AFF3: variants seen among roughly 807,000 people sequenced by gnomAD.
AFF3 encodes the protein AF4/FMR2 family member 3.
Under a neutral mutation model 129.7 loss-of-function variants are expected in AFF3, and 32 were observed. The observed-to-expected ratio is 0.25, with a 90% CI of 0.19 to 0.33. The LOEUF (loss-of-function observed/expected upper bound fraction) is 0.33, where lower values mean the gene tolerates loss of function less well. Ranked by LOEUF, AFF3 falls within the 10% of genes least tolerant of loss-of-function variation. AFF3 has a pLI of 1.00. For synonymous variants in AFF3, 644 were observed against 635.4 expected (o/e 1.01, Z -0.20); for missense variants, 1,373 against 1,592.0 (o/e 0.86, Z 2.34).
chr2:99,889,925 G>A (rs1470538180), intron 7 of AFF3, among the ~76,000 whole-genome samples: 2 of 152,200 alleles, frequency 1.3e-5, no homozygotes, highest in Non-Finnish European at 2.9e-5. Flanking sequence ...CTCCCAAAGT[G>A]TTGGGATTAC....
chr2:99,563,154 G>C lies in AFF3; in HGVS notation c.3119+2333C>G, dbSNP rs536551303. On this transcript the variant is annotated intron_variant, in intron 20 of 24. Coordinates refer to ENST00000672756, the MANE Select transcript of AFF3 (RefSeq NM_001386135.1). ...AGTAGGGGAGAGGAGGGTCAGGCAG[G>C]GTGGGCAATGTGCGGATGTAATTAA... Among the ~76,000 whole-genome samples the C allele has an allele frequency of 6.6e-5, 10 of 152,142 alleles. 1 individual carries two copies. In the South Asian group the frequency reaches 2.1e-3, roughly 32 times the overall value.
At chr2:99,758,618 A>G (rs1236279524) in intron 8 of AFF3, among the ~76,000 whole-genome samples, 1 of 150,498 alleles carries the variant, frequency 6.6e-6, no homozygotes, top group Non-Finnish European at 1.5e-5. Context: ...CATATGCATC[A>G]TCACATCACA....
At chr2:100,113,886 G>A (rs1238947930) in intron 2 of AFF3, among the ~76,000 whole-genome samples, 2 of 152,094 alleles carry the variant, frequency 1.3e-5, no homozygotes, top group Middle Eastern at 3.4e-3. Flanking sequence ...GAGGTGGGGG[G>A]GTTGTAGAAG....
intron 13 of AFF3, among the ~76,000 whole-genome samples, chr2:99,634,964 T>TACACACACACACACAC (rs201362666): frequency 7.4e-4 from 102 of 137,766 alleles, no homozygotes; most frequent in African/African-American, 8.9e-4. Context: ...GATTCTGTCA[T>TACACACACACACACAC]ACACACACAC....
At chr2:99,554,245 G>C in intron 24 of AFF3, 66 bp downstream of exon 24, 1 of 1,553,686 alleles carries the variant, frequency 6.4e-7, no homozygotes, top group Non-Finnish European at 8.9e-7. Context: ...TCAGGAGGCC[G>C]AGGCAGAAGA....
intron 7 of AFF3, among the ~76,000 whole-genome samples, chr2:99,965,246 CAGA>C (rs1418672666): frequency 1.3e-5 from 2 of 152,180 alleles, no homozygotes; most frequent in African/African-American, 4.8e-5. Flanking sequence ...ACATGTGGCT[CAGA>C]AGGATGGTTG....
At chr2:99,930,147 G>C (rs1161274453) in intron 7 of AFF3, among the ~76,000 whole-genome samples, 1 of 152,060 alleles carries the variant, frequency 6.6e-6, no homozygotes, top group African/African-American at 2.4e-5. Context: ...TCCAAATCCT[G>C]TGCCTTCCAG....
intron 21 of AFF3, among the ~76,000 whole-genome samples, chr2:99,559,784 T>C (rs1210516339): frequency 3.3e-5 from 5 of 152,196 alleles, no homozygotes; most frequent in African/African-American, 1.2e-4. Context: ...ATTTGAGACC[T>C]TTTTTGTGTC....
intron 2 of AFF3, among the ~76,000 whole-genome samples, chr2:100,113,798 G>A (rs1306767945): frequency 2.6e-5 from 4 of 152,152 alleles, no homozygotes; most frequent in Non-Finnish European, 5.9e-5. Flanking sequence ...GAAAACCACA[G>A]AATAGAGCAC....
intron 7 of AFF3, among the ~76,000 whole-genome samples, chr2:99,933,718 G>A (rs1376619207): frequency 1.3e-5 from 2 of 152,062 alleles, no homozygotes; most frequent in East Asian, 3.9e-4. Flanking sequence ...GTGTATATGT[G>A]CCACATTTTC....
intron 8 of AFF3, among the ~76,000 whole-genome samples, chr2:99,800,351 C>T (rs532267376): frequency 1.3e-5 from 2 of 152,184 alleles, no homozygotes; most frequent in African/African-American, 2.4e-5. Flanking sequence ...AGGCAATGCA[C>T]ATTAAAACCA....
chr2:100,094,524 T>C (rs1432231618), intron 4 of AFF3, among the ~76,000 whole-genome samples: 6 of 151,920 alleles, frequency 3.9e-5, no homozygotes, highest in Non-Finnish European at 8.8e-5. Flanking sequence ...CAGCTGTAAA[T>C]ACAGATGAAG....
intron 7 of AFF3, among the ~76,000 whole-genome samples, chr2:99,906,825 T>C (rs969839104): frequency 6.6e-6 from 1 of 151,094 alleles, no homozygotes; most frequent in African/African-American, 2.4e-5. Context: ...AATCAATCAA[T>C]CAACCTACCT....
chr2:99,961,823 G>C (rs568139897), intron 7 of AFF3, among the ~76,000 whole-genome samples: 1 of 152,350 alleles, frequency 6.6e-6, no homozygotes, highest in Non-Finnish European at 1.5e-5. Flanking sequence ...GTCCCGGTAA[G>C]TGCATTCCTT....
At chr2:99,626,345 TTTCC>T (rs1003655959) in intron 13 of AFF3, among the ~76,000 whole-genome samples, 9 of 139,112 alleles carry the variant, frequency 6.5e-5, no homozygotes, top group Non-Finnish European at 1.2e-4. Context: ...CTCCTCTCTC[TTTCC>T]TTCCTTCCTT....
intron 7 of AFF3, among the ~76,000 whole-genome samples, chr2:99,947,782 CAT>C (rs1203474107): frequency 6.6e-6 from 1 of 152,008 alleles, no homozygotes; most frequent in African/African-American, 2.4e-5. Context: ...GGGGAATGCA[CAT>C]GATTCTGGTG....
intron 8 of AFF3, among the ~76,000 whole-genome samples, chr2:99,805,880 A>G (rs142513178): frequency 1.3e-5 from 2 of 150,612 alleles, no homozygotes; most frequent in East Asian, 3.9e-4. Flanking sequence ...CGCTCTTTTC[A>G]TGGAACAGGA....
chr2:100,060,728 T>C (rs1318956485), intron 4 of AFF3, among the ~76,000 whole-genome samples: 5 of 152,198 alleles, frequency 3.3e-5, no homozygotes, highest in African/African-American at 7.2e-5. Context: ...GTTTATTCTG[T>C]TGTTACCATT....
rs1449346320 is a variant in AFF3, at chr2:99,848,391, C to T, written c.874-10867G>A. Among the ~76,000 whole-genome samples the T allele has an allele frequency of 3.3e-5, 5 of 152,288 alleles. No homozygotes were observed. In the East Asian group the frequency reaches 5.8e-4, roughly 18 times the overall value. On this transcript the variant is annotated intron_variant, in intron 7 of 24. Coordinates refer to ENST00000672756, the MANE Select transcript of AFF3 (RefSeq NM_001386135.1). ...ATTCCTGCTTCAATGCCACCTAACA[C>T]TGTGTATGAGATCCGCCACGTACAG...
Sources: gnomAD v4.1 joint callset for allele counts (sites outside exome capture counted in the v4.1 genomes callset) on GRCh38, gnomAD v4.1.1 for gene constraint, MANE v1.5 for transcripts, NCBI Gene and HGNC (gene_info 2026-07-23, HGNC 2026-07-21) for gene names.